TRMT11: variants seen among roughly 807,000 people sequenced by gnomAD.
The protein encoded by TRMT11 is tRNA (guanine(10)-N(2))-methyltransferase TRMT11.
In TRMT11, 53 loss-of-function variants were observed where a neutral mutation model predicts 62.8. That is an observed-to-expected ratio of 0.84 (90% CI 0.68 to 1.06). The LOEUF is 1.06. TRMT11 is among the 50% of genes least tolerant of loss of function. The probability of loss-of-function intolerance (pLI) is 0.00; values close to 1 mark genes in which losing one functional copy is unlikely to be tolerated. For synonymous variants in TRMT11, 188 were observed against 190.3 expected, an observed-to-expected ratio of 0.99 and a Z score of 0.10; for missense variants, 556 against 553.4, an observed-to-expected ratio of 1.00 and a Z score of -0.05.
At chr6:126,168,168 A>G (rs1053643392) in intron 21 of TRMT11, among the ~76,000 whole-genome samples, 2 of 152,202 alleles carry the variant, frequency 1.3e-5, no homozygotes, top group African/African-American at 4.8e-5. Flanking sequence ...AATGCTGAAC[A>G]GTGAAGCTGT....
At chr6:126,048,984 A>G (rs949804938) in intron 16 of TRMT11, among the ~76,000 whole-genome samples, 1 of 152,244 alleles carries the variant, frequency 6.6e-6, no homozygotes, top group Admixed American at 6.5e-5. Flanking sequence ...ACCATTTGGT[A>G]TGACAATGAT....
At chr6:126,015,312 G>A (rs1211534767) in intron 11 of TRMT11, among the ~76,000 whole-genome samples, 1 of 94,830 alleles carries the variant, frequency 1.1e-5, no homozygotes, top group Admixed American at 1.2e-4. Flanking sequence ...TGCAAGCTCC[G>A]CCTTCCGGGT....
chr6:126,134,836 G>A (rs1777832876), intron 21 of TRMT11, among the ~76,000 whole-genome samples: 1 of 151,764 alleles, frequency 6.6e-6, no homozygotes, highest in Non-Finnish European at 1.5e-5. Context: ...TCAATAGCTA[G>A]AGGAACTTCA....
intron 9 of TRMT11, 85 bp from the exon 10 acceptor site, chr6:126,012,686 A>G: frequency 5.4e-6 from 5 of 926,306 alleles, no homozygotes; most frequent in Non-Finnish European, 8.5e-6. Context: ...TCAGGGTGTC[A>G]CATTTGAAGG....
intron 11 of TRMT11, 31 bp from the exon 12 acceptor site, chr6:126,021,129 T>G: frequency 6.2e-7 from 1 of 1,612,264 alleles, no homozygotes; most frequent in Non-Finnish European, 8.5e-7. Flanking sequence ...CACATGTGAG[T>G]GTTCCTAACA....
At chr6:126,240,706 T>C in the TRMT11 span, among the ~76,000 whole-genome samples, 70 of 152,342 alleles carry the variant, frequency 4.6e-4, no homozygotes, top group African/African-American at 1.6e-3. Context: ...TCTAGCTGTG[T>C]GCTGGGAGAA....
chr6:126,242,224 C>G, the TRMT11 span, among the ~76,000 whole-genome samples: 1 of 152,162 alleles, frequency 6.6e-6, no homozygotes, highest in African/African-American at 2.4e-5. Flanking sequence ...ATCCAACTTA[C>G]AAGGGAAGTG....
intron 21 of TRMT11, among the ~76,000 whole-genome samples, chr6:126,137,515 G>A (rs1293696049): frequency 6.6e-6 from 1 of 151,684 alleles, no homozygotes; most frequent in East Asian, 1.9e-4. Context: ...GAGAACACTG[G>A]TAAACTGTTG....
intron 17 of TRMT11, among the ~76,000 whole-genome samples, chr6:126,096,754 C>T (rs2128173914): frequency 6.6e-6 from 1 of 152,256 alleles, no homozygotes; most frequent in Middle Eastern, 3.4e-3. Flanking sequence ...GATGATTTCA[C>T]AGTCATATTT....
the TRMT11 span, among the ~76,000 whole-genome samples, chr6:126,260,359 A>T: frequency 6.6e-6 from 1 of 152,020 alleles, no homozygotes; most frequent in African/African-American, 2.4e-5. Context: ...TAATTGCCTA[A>T]TTTTTCTCTC....
At chr6:126,032,198 C>G (rs1562291466) in intron 12 of TRMT11, among the ~76,000 whole-genome samples, 1 of 152,182 alleles carries the variant, frequency 6.6e-6, no homozygotes, top group Non-Finnish European at 1.5e-5. Flanking sequence ...TCTGCTTCTG[C>G]AGTTTCTCCC....
At chr6:126,143,092 G>T (rs1239727947) in intron 21 of TRMT11, among the ~76,000 whole-genome samples, 2 of 152,022 alleles carry the variant, frequency 1.3e-5, no homozygotes, top group Admixed American at 6.6e-5. Flanking sequence ...GGAAAAAAAA[G>T]TTCTTAATAT....
intron 17 of TRMT11, among the ~76,000 whole-genome samples, chr6:126,103,795 G>T (rs138715316): frequency 7.2e-5 from 11 of 152,244 alleles, no homozygotes; most frequent in Admixed American, 2.6e-4. Context: ...GAGCAAATTT[G>T]CTGGTAAGAT....
At chr6:126,089,635 G>A (rs1777251989) in intron 17 of TRMT11, among the ~76,000 whole-genome samples, 1 of 152,090 alleles carries the variant, frequency 6.6e-6, no homozygotes, top group Non-Finnish European at 1.5e-5. Context: ...ACCTCGTCCT[G>A]CTGAATGAAG....
chr6:126,232,640 G>T, the TRMT11 span, among the ~76,000 whole-genome samples: 89 of 152,218 alleles, frequency 5.8e-4, 1 homozygote, highest in African/African-American at 1.8e-3. Context: ...TTAGAAAGAA[G>T]CAACTGCGTC....
chr6:126,071,158 GTA>G (rs1776840515), intron 17 of TRMT11, among the ~76,000 whole-genome samples: 1 of 152,106 alleles, frequency 6.6e-6, no homozygotes, highest in South Asian at 2.1e-4. Context: ...TTTGGATGCA[GTA>G]GTTTTCCACT....
At chr6:126,081,415 AG>A (rs1562319003) in intron 17 of TRMT11, among the ~76,000 whole-genome samples, 5 of 152,186 alleles carry the variant, frequency 3.3e-5, no homozygotes, top group Admixed American at 6.5e-5. Flanking sequence ...ACAAAAATGT[AG>A]GGGACACTGG....
the TRMT11 span, among the ~76,000 whole-genome samples, chr6:126,270,167 C>T: frequency 6.6e-6 from 1 of 152,196 alleles, no homozygotes; most frequent in African/African-American, 2.4e-5. Flanking sequence ...AATTTGAGCA[C>T]AGTACTTGGC....
intron 17 of TRMT11, among the ~76,000 whole-genome samples, chr6:126,107,852 G>C (rs184051736): frequency 6.6e-6 from 1 of 152,130 alleles, no homozygotes; most frequent in Non-Finnish European, 1.5e-5. Flanking sequence ...GAAGTCTGTC[G>C]CGTGATTCAT....
Sources: allele counts gnomAD v4.1 joint callset (sites outside exome capture counted in the v4.1 genomes callset), GRCh38; gene constraint gnomAD v4.1.1; transcripts MANE v1.5; gene names NCBI Gene and HGNC (gene_info 2026-07-23, HGNC 2026-07-21).